PTPRD: variants seen among roughly 807,000 people sequenced by gnomAD.
The protein encoded by PTPRD is receptor-type tyrosine-protein phosphatase delta.
A neutral mutation model predicts 214.5 loss-of-function variants in PTPRD; 34 were observed. The ratio of observed to expected loss-of-function variants is 0.16; its 90% CI spans 0.12 to 0.21. The LOEUF (loss-of-function observed/expected upper bound fraction) is 0.21. Ranked by LOEUF, PTPRD falls within the 10% of genes least tolerant of loss-of-function variation. The pLI is 1.00. For missense variants in PTPRD, 2,545 were observed against 2,398.7 expected (o/e 1.06, Z -1.27); for synonymous variants, 1,128 against 845.7 (o/e 1.33, Z -5.79).
chr9:9,929,225 T>C (rs2085470799), intron 5 of PTPRD, among the ~76,000 whole-genome samples: 1 of 152,194 alleles, frequency 6.6e-6, no homozygotes, highest in African/African-American at 2.4e-5. Context: ...TGAAGGATTA[T>C]CAAGAGTAAA....
At position 10,119,061 on chromosome 9, in the gene PTPRD, C is replaced by G. The variant is rs146997221; in HGVS notation, c.-544-85271G>C. 3.3e-3 allele frequency among the ~76,000 whole-genome samples: 501 copies of G among 151,928 alleles called. 3 individuals carry two copies. The highest frequency in any genetic ancestry group is 5.7e-3 in the Non-Finnish European group (387 of 67,790). On this transcript the variant is annotated intron_variant, in intron 3 of 45. Coordinates refer to ENST00000381196, the MANE Select transcript of PTPRD (RefSeq NM_002839.4). The stretch of plus-strand genomic sequence containing the variant: ...ACTAACCAGGGCATTAAAGTTACAA[C>G]AAACGTAGAGTTCCACTTAAGAAAC...
At chr9:8,577,381 G>A (rs994962910) in intron 14 of PTPRD, among the ~76,000 whole-genome samples, 2 of 151,966 alleles carry the variant, frequency 1.3e-5, no homozygotes, top group Non-Finnish European at 2.9e-5. Flanking sequence ...TCAGCCTCCC[G>A]AGTAGCTGGG....
At chr9:10,170,220 T>G (rs1020715266) in intron 3 of PTPRD, among the ~76,000 whole-genome samples, 1 of 152,092 alleles carries the variant, frequency 6.6e-6, no homozygotes, top group Non-Finnish European at 1.5e-5. Context: ...GGAGCATTAT[T>G]GAGAATATAG....
chr9:8,385,981 C>A (rs1315447129), intron 37 of PTPRD, among the ~76,000 whole-genome samples: 1 of 152,166 alleles, frequency 6.6e-6, no homozygotes, highest in African/African-American at 2.4e-5. Flanking sequence ...CATTTGGGAA[C>A]ACAGAGTGAA....
At chr9:9,232,201 T>C (rs77529380) in intron 9 of PTPRD, among the ~76,000 whole-genome samples, 163 of 152,272 alleles carry the variant, frequency 1.1e-3, no homozygotes, top group African/African-American at 3.7e-3. Context: ...ATCATTACCT[T>C]TAAACTACTG....
At chr9:8,941,171 G>A (rs1455632530) in intron 11 of PTPRD, among the ~76,000 whole-genome samples, 1 of 151,992 alleles carries the variant, frequency 6.6e-6, no homozygotes, top group Non-Finnish European at 1.5e-5. Flanking sequence ...CTAAAATCAA[G>A]TTTAAAAAGT....
At chr9:10,188,574 T>G (rs1229917863) in intron 3 of PTPRD, among the ~76,000 whole-genome samples, 2 of 151,254 alleles carry the variant, frequency 1.3e-5, no homozygotes, top group African/African-American at 4.9e-5. Flanking sequence ...ATAAATAGTA[T>G]CTTTTTTTTT....
chr9:9,430,831 G>C (rs1235717042), intron 8 of PTPRD, among the ~76,000 whole-genome samples: 1 of 152,138 alleles, frequency 6.6e-6, no homozygotes, highest in South Asian at 2.1e-4. Flanking sequence ...AAATGGTTCT[G>C]GGAAAACTGG....
chr9:8,404,514 C>G, intron 36 of PTPRD, 23 bp downstream of exon 36: 3 of 1,599,434 alleles, frequency 1.9e-6, no homozygotes, highest in East Asian at 4.5e-5. Flanking sequence ...ATAAAGGTAT[C>G]AGTGATGTCT....
intron 35 of PTPRD, among the ~76,000 whole-genome samples, chr9:8,424,287 A>G (rs913037650): frequency 6.6e-6 from 1 of 152,304 alleles, no homozygotes. Context: ...AAAGGAAATC[A>G]ACTCTCAGAG....
chr9:8,691,114 G>A (rs559023678), intron 12 of PTPRD, among the ~76,000 whole-genome samples: 112 of 152,238 alleles, frequency 7.4e-4, no homozygotes, highest in Non-Finnish European at 1.4e-3. Context: ...TAATGAAATG[G>A]CTTTTGACAA....
chr9:9,462,197 A>G (rs990291671), intron 8 of PTPRD, among the ~76,000 whole-genome samples: 8 of 152,118 alleles, frequency 5.3e-5, no homozygotes, highest in Non-Finnish European at 1.2e-4. Context: ...AAGGACTTCA[A>G]AGTATTATAT....
intron 14 of PTPRD, among the ~76,000 whole-genome samples, chr9:8,603,761 T>C (rs939106911): frequency 6.6e-6 from 1 of 152,220 alleles, no homozygotes; most frequent in East Asian, 1.9e-4. Flanking sequence ...AAGTATTAAT[T>C]AGAAATATTT....
intron 20 of PTPRD, 142 bp downstream of exon 20, chr9:8,521,135 C>T (rs905053797): frequency 2.5e-5 from 25 of 1,007,424 alleles, no homozygotes; most frequent in Admixed American, 1.8e-4. Context: ...TTATATAATA[C>T]CACAGATATG....
At chr9:10,280,048 A>T (rs1463058693) in intron 3 of PTPRD, among the ~76,000 whole-genome samples, 1 of 152,166 alleles carries the variant, frequency 6.6e-6, no homozygotes, top group African/African-American at 2.4e-5. Context: ...TCTGTACTTA[A>T]TATAATTTTT....
At chr9:8,804,944 A>AAT (rs2096645951) in intron 11 of PTPRD, among the ~76,000 whole-genome samples, 1 of 152,168 alleles carries the variant, frequency 6.6e-6, no homozygotes, top group South Asian at 2.1e-4. Context: ...AATCCTGGTG[A>AAT]ATATACTCAA....
intron 35 of PTPRD, among the ~76,000 whole-genome samples, chr9:8,406,484 G>C (rs1413017740): frequency 6.6e-6 from 1 of 152,110 alleles, no homozygotes; most frequent in Non-Finnish European, 1.5e-5. Flanking sequence ...CATAGCTCTG[G>C]ACAGGTTGGC....
intron 9 of PTPRD, among the ~76,000 whole-genome samples, chr9:9,275,113 T>TA (rs1359059931): frequency 1.8e-5 from 1 of 54,312 alleles, no homozygotes; most frequent in African/African-American, 7.6e-5. Context: ...ATATATTATA[T>TA]ATATATTATA....
At chr9:8,418,119 T>C (rs866193435) in intron 35 of PTPRD, among the ~76,000 whole-genome samples, 1 of 152,210 alleles carries the variant, frequency 6.6e-6, no homozygotes, top group Middle Eastern at 3.2e-3. Context: ...TAATTTTAAA[T>C]TCCAGCCTTT....
Sources: gnomAD v4.1 joint callset for allele counts (sites outside exome capture counted in the v4.1 genomes callset) on GRCh38, gnomAD v4.1.1 for gene constraint, MANE v1.5 for transcripts, NCBI Gene and HGNC (gene_info 2026-07-23, HGNC 2026-07-21) for gene names.